Variants in SDK1 observed in about 807,000 individuals in gnomAD.
SDK1 encodes the protein protein sidekick-1.
SDK1 carries 157 observed loss-of-function variants against 245.5 expected under a neutral mutation model. The ratio of observed to expected loss-of-function variants is 0.64; its 90% CI spans 0.56 to 0.73. SDK1 has a LOEUF of 0.73. Ranked by LOEUF, SDK1 falls within the 30% of genes least tolerant of loss-of-function variation. SDK1 has a pLI of 0.00. For missense variants in SDK1, 3,583 were observed against 3,002.3 expected (o/e 1.19, Z -4.52); for synonymous variants, 1,647 against 1,278.5 (o/e 1.29, Z -6.15).
At chr7:4,096,471 G>A (rs942921641) in intron 22 of SDK1, among the ~76,000 whole-genome samples, 2 of 152,172 alleles carry the variant, frequency 1.3e-5, no homozygotes, top group African/African-American at 2.4e-5. Context: ...ACAGAGGCTA[G>A]GGGCCAACTA....
chr7:4,183,327 A>G (rs1782699670), intron 35 of SDK1, among the ~76,000 whole-genome samples: 1 of 152,298 alleles, frequency 6.6e-6, no homozygotes, highest in South Asian at 2.1e-4. Context: ...CCTCCTGAGC[A>G]GTGAGGGATT....
At chr7:3,501,948 G>C (rs1782228412) in intron 1 of SDK1, among the ~76,000 whole-genome samples, 1 of 152,108 alleles carries the variant, frequency 6.6e-6, no homozygotes. Context: ...CTAGACCAAA[G>C]GTGTTTATTC....
intron 1 of SDK1, among the ~76,000 whole-genome samples, chr7:3,364,759 G>A (rs895455483): frequency 6.6e-6 from 1 of 151,982 alleles, no homozygotes; most frequent in Non-Finnish European, 1.5e-5. Flanking sequence ...GGTTATTCTA[G>A]TTCCTTTGTC....
At chr7:3,707,855 G>A (rs1021192300) in intron 4 of SDK1, among the ~76,000 whole-genome samples, 2 of 151,978 alleles carry the variant, frequency 1.3e-5, no homozygotes, top group African/African-American at 4.8e-5. Flanking sequence ...TCTGTTTTAT[G>A]TGATATAAGA....
At chr7:3,631,819 C>T (rs922101573) in intron 2 of SDK1, among the ~76,000 whole-genome samples, 2 of 152,172 alleles carry the variant, frequency 1.3e-5, no homozygotes, top group African/African-American at 4.8e-5. Flanking sequence ...CCAGAATTGA[C>T]CAAACTACTC....
At chr7:3,435,611 C>G (rs897849938) in intron 1 of SDK1, among the ~76,000 whole-genome samples, 2 of 152,014 alleles carry the variant, frequency 1.3e-5, no homozygotes, top group Non-Finnish European at 2.9e-5. Flanking sequence ...GCAATCCGCC[C>G]GCTTCGGCCT....
intron 5 of SDK1, among the ~76,000 whole-genome samples, chr7:3,902,883 G>C (rs1781836764): frequency 6.6e-6 from 1 of 151,978 alleles, no homozygotes; most frequent in Non-Finnish European, 1.5e-5. Flanking sequence ...CCATATATCT[G>C]GTAAAGGTCA....
rs184807858 is a variant in SDK1, at chr7:3,971,856, A to T, written c.1817+288A>T. Reference sequence around the variant, plus strand: ...ACACTATCTGTAAAACGTACTTGTCAGAGGCTGATACTCAATGAGAGAAAA... The same window carrying T: ...ACACTATCTGTAAAACGTACTTGTCTGAGGCTGATACTCAATGAGAGAAAA... On this transcript the variant is annotated intron_variant, in intron 12 of 44. Transcript: ENST00000404826. Among the ~76,000 whole-genome samples, 16 of 152,262 alleles carry T rather than the reference A, an allele frequency of 1.1e-4. No individual in the cohort carries two copies. The East Asian group carries it at 3.1e-3, about 29-fold the overall frequency.
intron 1 of SDK1, among the ~76,000 whole-genome samples, chr7:3,603,576 T>A (rs1781317938): frequency 6.6e-6 from 1 of 152,098 alleles, no homozygotes; most frequent in African/African-American, 2.4e-5. Context: ...CTTGAGGAGA[T>A]TTTGGGCTGA....
chr7:3,994,244 A>G (rs936283552), intron 14 of SDK1, among the ~76,000 whole-genome samples: 1 of 150,812 alleles, frequency 6.6e-6, no homozygotes, highest in African/African-American at 2.4e-5. Flanking sequence ...TTGTAACCAA[A>G]TGTCTTCCAC....
chr7:4,157,350 AAGGAAAGT>A (rs879782045), intron 30 of SDK1, among the ~76,000 whole-genome samples: 33,755 of 142,256 alleles, frequency 0.24, 5,574 homozygotes, highest in African/African-American at 0.4. Context: ...GGGAAGAAGG[AAGGAAAGT>A]GGGAAGGGAG....
At chr7:3,337,985 T>C (rs1780247006) in intron 1 of SDK1, 1 of 154,018 alleles carries the variant, frequency 6.5e-6, no homozygotes, top group African/African-American at 2.4e-5. Flanking sequence ...AATAGACTTT[T>C]TATGAGTTAT....
chr7:4,207,507 C>T (rs1183712845), intron 36 of SDK1, among the ~76,000 whole-genome samples: 2 of 152,228 alleles, frequency 1.3e-5, no homozygotes, highest in Admixed American at 1.3e-4. Context: ...TTCCCAGCAG[C>T]CCTGAGCCCA....
At chr7:3,699,245 A>G (rs910237969) in intron 4 of SDK1, among the ~76,000 whole-genome samples, 2 of 152,226 alleles carry the variant, frequency 1.3e-5, no homozygotes, top group Admixed American at 1.3e-4. Flanking sequence ...ACAAGAACCA[A>G]GAATATCTCA....
chr7:4,061,980 T>G (rs1218828359), intron 19 of SDK1, among the ~76,000 whole-genome samples: 4 of 93,310 alleles, frequency 4.3e-5, no homozygotes, highest in African/African-American at 8.7e-5. Context: ...TGGGGACTGT[T>G]GTGGGGTGGG....
intron 1 of SDK1, among the ~76,000 whole-genome samples, chr7:3,609,620 T>G (rs1781528991): frequency 1.3e-5 from 2 of 152,150 alleles, no homozygotes; most frequent in Admixed American, 1.3e-4. Flanking sequence ...CAGGATGGTC[T>G]CGATTTCCTG....
chr7:3,349,251 C>T (rs150317951), intron 1 of SDK1, among the ~76,000 whole-genome samples: 3 of 152,186 alleles, frequency 2.0e-5, no homozygotes, highest in East Asian at 1.9e-4. Flanking sequence ...AGATGTATAC[C>T]TTTGACTTTA....
intron 4 of SDK1, among the ~76,000 whole-genome samples, chr7:3,744,684 T>C (rs1175388389): frequency 1.5e-4 from 23 of 151,610 alleles, no homozygotes; most frequent in Admixed American, 1.5e-3. Context: ...TGGTGGCGGG[T>C]GCCTGTAGTC....
intron 4 of SDK1, among the ~76,000 whole-genome samples, chr7:3,762,682 G>A (rs1289449917): frequency 6.6e-6 from 1 of 152,176 alleles, no homozygotes; most frequent in Non-Finnish European, 1.5e-5. Context: ...ATATTTAACA[G>A]AGGGGATGTA....
Sources: allele counts gnomAD v4.1 joint callset (sites outside exome capture counted in the v4.1 genomes callset), GRCh38; gene constraint gnomAD v4.1.1; transcripts MANE v1.5; gene names NCBI Gene and HGNC (gene_info 2026-07-23, HGNC 2026-07-21).